Variants in CPXM2 observed in about 807,000 individuals in gnomAD.
The protein encoded by CPXM2 is carboxypeptidase X, M14 family member 2.
Under a neutral mutation model 86.1 loss-of-function variants are expected in CPXM2, and 66 were observed. The observed-to-expected ratio is 0.77, with a 90% CI of 0.63 to 0.94. The LOEUF (loss-of-function observed/expected upper bound fraction) is 0.94, where lower values mean the gene tolerates loss of function less well. CPXM2 is among the 40% of genes least tolerant of loss of function. CPXM2 has a pLI of 0.00. For missense variants in CPXM2, 948 were observed against 1,026.3 expected (o/e 0.92, Z 1.04); for synonymous variants, 388 against 400.2 (o/e 0.97, Z 0.36).
rs1590057695 is a variant in CPXM2, at chr10:123,842,706, C to A, written c.514-218G>T. ...TTGAAAATATTTCAATATACCATGT[C>A]CTCTTTTTGCCCAGTGTGAAAGATG... On this transcript the variant is annotated intron_variant, in intron 3 of 13. Coordinates refer to ENST00000241305, the MANE Select transcript of CPXM2 (RefSeq NM_198148.3). Among the ~76,000 whole-genome samples the A allele has an allele frequency of 2.0e-5, 3 of 152,296 alleles. 1 individual carries two copies. In the East Asian group the frequency reaches 5.8e-4, roughly 29 times the overall value.
chr10:123,907,445 G>A (rs756622734), intron 2 of CPXM2, among the ~76,000 whole-genome samples: 5 of 152,120 alleles, frequency 3.3e-5, no homozygotes, highest in Non-Finnish European at 5.9e-5. Context: ...ATCGCTGGGC[G>A]GGGCCCTCGC....
intron 4 of CPXM2, among the ~76,000 whole-genome samples, chr10:123,833,355 C>G (rs373402468): frequency 6.6e-6 from 1 of 152,170 alleles, no homozygotes; most frequent in Non-Finnish European, 1.5e-5. Context: ...CAACAAAATA[C>G]AGATGTGTCA....
chr10:123,748,639 G>A (rs1220333087), intron 13 of CPXM2, among the ~76,000 whole-genome samples: 1 of 152,050 alleles, frequency 6.6e-6, no homozygotes, highest in African/African-American at 2.4e-5. Flanking sequence ...CGGCTCCCTG[G>A]CACTTCTTGG....
chr10:123,866,977 A>G (rs961268322), intron 2 of CPXM2, among the ~76,000 whole-genome samples: 1 of 152,162 alleles, frequency 6.6e-6, no homozygotes, highest in Admixed American at 6.6e-5. Context: ...TTCCATGAGC[A>G]TCAGGGCAAT....
chr10:123,916,093 GAA>G (rs900215034), intron 2 of CPXM2, among the ~76,000 whole-genome samples: 1 of 148,850 alleles, frequency 6.7e-6, no homozygotes, highest in African/African-American at 2.5e-5. Flanking sequence ...TGCTTTGGGA[GAA>G]AAAAAAAATA....
At chr10:123,795,232 TCAA>T (rs1183434254) in intron 6 of CPXM2, among the ~76,000 whole-genome samples, 2 of 152,124 alleles carry the variant, frequency 1.3e-5, no homozygotes, top group Admixed American at 1.3e-4. Context: ...CTGTACCCAC[TCAA>T]CAACAACTCT....
At chr10:123,880,777 C>A (rs7908991) in intron 1 of CPXM2, among the ~76,000 whole-genome samples, 69,955 of 141,456 alleles carry the variant, frequency 0.49, 17,971 homozygotes, top group African/African-American at 0.62. Context: ...TGCAGTGAGA[C>A]GAGATTGCGC....
chr10:123,781,172 G>A (rs943734787), intron 6 of CPXM2, among the ~76,000 whole-genome samples: 2 of 152,236 alleles, frequency 1.3e-5, no homozygotes, highest in Admixed American at 6.5e-5. Context: ...TCTGCTGTGG[G>A]AGCTGAAGCA....
At chr10:123,853,348 C>T (rs1432476692) in intron 3 of CPXM2, among the ~76,000 whole-genome samples, 1 of 152,184 alleles carries the variant, frequency 6.6e-6, no homozygotes, top group Non-Finnish European at 1.5e-5. Context: ...TGGACTAATA[C>T]ATCTGCCTTG....
At chr10:123,788,605 C>T (rs1847126415) in intron 6 of CPXM2, among the ~76,000 whole-genome samples, 1 of 152,170 alleles carries the variant, frequency 6.6e-6, no homozygotes, top group African/African-American at 2.4e-5. Context: ...AGCGAAGCAG[C>T]ACATTTAAAG....
intron 2 of CPXM2, among the ~76,000 whole-genome samples, chr10:123,929,521 G>T (rs892095581): frequency 1.3e-5 from 2 of 152,230 alleles, no homozygotes; most frequent in African/African-American, 2.4e-5. Flanking sequence ...GAGGAGGAAA[G>T]CCAGGAGGCC....
intron 1 of CPXM2, among the ~76,000 whole-genome samples, chr10:123,883,530 G>A (rs1303074395): frequency 6.6e-6 from 1 of 152,270 alleles, no homozygotes; most frequent in Non-Finnish European, 1.5e-5. Flanking sequence ...GCCCTGGCCT[G>A]CAGCCTCACT....
intron 4 of CPXM2, among the ~76,000 whole-genome samples, chr10:123,799,712 T>C (rs1194439831): frequency 6.6e-6 from 1 of 152,144 alleles, no homozygotes; most frequent in East Asian, 1.9e-4. Context: ...ATACTGAGTT[T>C]CTCCTTGGCT....
At chr10:123,852,978 T>C (rs1848636246) in intron 3 of CPXM2, among the ~76,000 whole-genome samples, 1 of 152,208 alleles carries the variant, frequency 6.6e-6, no homozygotes, top group Admixed American at 6.5e-5. Flanking sequence ...TGGATCTGTG[T>C]CCCTGCCCAA....
chr10:123,842,597 T>C (rs1411846309), intron 3 of CPXM2, 109 bp from the exon 4 acceptor site: 8 of 1,106,404 alleles, frequency 7.2e-6, no homozygotes, highest in African/African-American at 3.2e-5. Context: ...GAGAAGAAAA[T>C]GAGGAAGGTG....
chr10:123,748,417 G>C (rs1000358670), intron 13 of CPXM2, among the ~76,000 whole-genome samples: 3 of 152,174 alleles, frequency 2.0e-5, no homozygotes, highest in African/African-American at 7.2e-5. Context: ...CACATACACA[G>C]ATCTATAACA....
At chr10:123,853,497 T>A (rs1452830467) in intron 3 of CPXM2, among the ~76,000 whole-genome samples, 1 of 152,236 alleles carries the variant, frequency 6.6e-6, no homozygotes, top group Non-Finnish European at 1.5e-5. Flanking sequence ...TCAGGGCTCT[T>A]CTGTTTTTGC....
intron 2 of CPXM2, among the ~76,000 whole-genome samples, chr10:123,932,182 T>C (rs182015708): frequency 6.6e-6 from 1 of 152,190 alleles, no homozygotes; most frequent in Non-Finnish European, 1.5e-5. Flanking sequence ...TGGTGGTTGG[T>C]TATGTAATGC....
At chr10:123,854,104 T>C (rs985569105) in intron 3 of CPXM2, among the ~76,000 whole-genome samples, 2 of 151,514 alleles carry the variant, frequency 1.3e-5, no homozygotes, top group East Asian at 3.9e-4. Flanking sequence ...CTGACCTGTG[T>C]GTAGCAGGGC....
Sources: allele counts gnomAD v4.1 joint callset (sites outside exome capture counted in the v4.1 genomes callset), GRCh38; gene constraint gnomAD v4.1.1; transcripts MANE v1.5; gene names NCBI Gene and HGNC (gene_info 2026-07-23, HGNC 2026-07-21).